The following ACOT11 variants were observed in gnomAD, a reference collection of about 807,000 sequenced individuals.
ACOT11 encodes the protein acyl-coenzyme A thioesterase 11.
Under a neutral mutation model 77.5 loss-of-function variants are expected in ACOT11, and 69 were observed. The observed-to-expected ratio is 0.89, with a 90% CI of 0.73 to 1.09. The LOEUF (loss-of-function observed/expected upper bound fraction) is 1.09. Among genes scored for constraint, ACOT11 ranks in the 50% least tolerant of loss-of-function variants. The pLI is 0.00. For synonymous variants in ACOT11, 279 were observed against 313.0 expected, an observed-to-expected ratio of 0.89 and a Z score of 1.15; for missense variants, 766 against 813.7, an observed-to-expected ratio of 0.94 and a Z score of 0.71.
chr1:54,550,776 T>C (rs115701470), intron 1 of ACOT11, among the ~76,000 whole-genome samples: 2,270 of 151,582 alleles, frequency 0.015, 24 homozygotes, highest in Non-Finnish European at 0.025. Context: ...TGAGCCAAGA[T>C]CATGCTACTG....
chr1:54,549,100 T>TC (rs1262596186), intron 1 of ACOT11, among the ~76,000 whole-genome samples: 11 of 151,998 alleles, frequency 7.2e-5, no homozygotes, highest in African/African-American at 2.7e-4. Flanking sequence ...ATCTATCCTC[T>TC]CCCTCCATCT....
At chr1:54,563,512 C>G (rs1038671966) in intron 1 of ACOT11, among the ~76,000 whole-genome samples, 2 of 152,190 alleles carry the variant, frequency 1.3e-5, no homozygotes, top group Admixed American at 6.5e-5. Context: ...TATAGAAAAG[C>G]CTGAAACTTA....
intron 1 of ACOT11, among the ~76,000 whole-genome samples, chr1:54,580,631 C>T (rs557988489): frequency 6.6e-6 from 1 of 152,280 alleles, no homozygotes; most frequent in South Asian, 2.1e-4. Flanking sequence ...GCTCTCAGAC[C>T]ATTAGTCTTT....
rs757017367 is a variant in ACOT11 at position 54,593,946 on chromosome 1, C to T, written c.378C>T (p.Gly126=). Residue 126 remains glycine (G), a synonymous_variant, in exon 5 of 16, where the codon GGC becomes GGT. Coordinates refer to ENST00000343744, the MANE Select transcript of ACOT11 (RefSeq NM_147161.4). ...NRAFNSSMEV[G]IQVASEDLCS... ...CCCTTACTGTTCCTCTCCAGGTGGGCATCCAGGTGGCCTCGGAGGACCTGT... is the reference window on the plus strand; with the variant it reads ...CCCTTACTGTTCCTCTCCAGGTGGGTATCCAGGTGGCCTCGGAGGACCTGT... 2.4e-5 allele frequency: 38 copies of T among 1,613,804 alleles called. No individual in the cohort carries two copies. The highest frequency in any genetic ancestry group is 3.1e-5 in the Non-Finnish European group (36 of 1,179,868).
chr1:54,582,515 TGGCATA>T, intron 1 of ACOT11: 1 of 985,326 alleles, frequency 1.0e-6, no homozygotes, highest in Non-Finnish European at 1.2e-6. Flanking sequence ...CTGGCTCCCG[TGGCATA>T]GGGTCCAACA....
intron 1 of ACOT11, among the ~76,000 whole-genome samples, chr1:54,554,977 GA>G (rs1653210726): frequency 6.6e-6 from 1 of 151,664 alleles, no homozygotes; most frequent in African/African-American, 2.4e-5. Flanking sequence ...TGTTTGTTTT[GA>G]GACGGAGTCT....
At chr1:54,623,477 G>GCCTCCCA in intron 15 of ACOT11, 1 of 1,018,900 alleles carries the variant, frequency 9.8e-7, no homozygotes, top group Non-Finnish European at 1.5e-6. Context: ...CCTGTGGGAG[G>GCCTCCCA]CAGGAGCTCC....
At position 54,623,432 on chromosome 1, in the gene ACOT11, G is replaced by A. The variant is rs201664316; in HGVS notation, c.1630-7302G>A. On this transcript the variant is annotated intron_variant, in intron 15 of 16. Coordinates refer to the ACOT11 transcript ENST00000371316. ...CTGGGGAATGCCCCCAACTCCGTGC[G>A]GCCCAGAGTCCCTGAGGCTCCCTGC... The A allele has an allele frequency of 1.9e-3, 2,816 of 1,518,452 alleles. 10 individuals are homozygous for A. The highest frequency in any genetic ancestry group is 3.5e-3 in the South Asian group (306 of 88,018). The allele number at this position is 1,518,452 out of a possible 1,614,324, so 94.1% of individuals were successfully genotyped here.
rs375575174 is a variant in ACOT11 at position 54,559,010 on chromosome 1, C to G, written c.33+10668C>G. On this transcript the variant is annotated intron_variant, in intron 1 of 15. Transcript: ENST00000343744. ...GTCTCAGCTGCCTCCCCATTCACCCCCTGACTCCTCACAACAGGGAGGTGG... is the reference window on the plus strand; with the variant it reads ...GTCTCAGCTGCCTCCCCATTCACCCGCTGACTCCTCACAACAGGGAGGTGG... Among the ~76,000 whole-genome samples the G allele has an allele frequency of 2.0e-5, 3 of 152,182 alleles. No homozygotes were observed. The South Asian group carries it at 6.2e-4, about 32-fold the overall frequency.
chr1:54,624,148 G>T (rs1250161455), intron 15 of ACOT11, among the ~76,000 whole-genome samples: 1 of 152,132 alleles, frequency 6.6e-6, no homozygotes, highest in Non-Finnish European at 1.5e-5. Context: ...GTTAGAGGCT[G>T]CCCCTATTCT....
At chr1:54,634,352 TC>T (rs1388245172) in intron 16 of ACOT11, among the ~76,000 whole-genome samples, 6 of 152,232 alleles carry the variant, frequency 3.9e-5, no homozygotes, top group African/African-American at 1.2e-4. Context: ...TTATTCTGGC[TC>T]AAAAAGTAAA....
At chr1:54,577,034 C>T (rs1161896568) in intron 1 of ACOT11, among the ~76,000 whole-genome samples, 1 of 152,086 alleles carries the variant, frequency 6.6e-6, no homozygotes. Flanking sequence ...CATATCTTCC[C>T]CTTAAAATAT....
chr1:54,598,520 T>A (rs1257999525), intron 7 of ACOT11: 1 of 152,248 alleles, frequency 6.6e-6, no homozygotes, highest in Non-Finnish European at 1.5e-5. Context: ...AATGTGTAGT[T>A]CCAGGCTGCG....
At chr1:54,628,678 C>T (rs1441999200) in intron 15 of ACOT11, among the ~76,000 whole-genome samples, 1 of 127,594 alleles carries the variant, frequency 7.8e-6, no homozygotes, top group Non-Finnish European at 1.7e-5. Context: ...GTGGTCTCAG[C>T]ACTCTAAATG....
chr1:54,605,137 A>G lies in ACOT11; in HGVS notation c.1298A>G (p.His433Arg), dbSNP rs764314860. Residue 433 changes from histidine to arginine, a missense_variant, in exon 13 of 16, where the codon CAT becomes CGT. His to Arg is a conservative substitution (Grantham distance 29, BLOSUM62 0). Transcript: ENST00000343744. ...TCCTTCCACATGGAGATGGTGGTGC[A>G]TGTGGATGCAGCCCAGGCCTTCCTG... ...FLSFHMEMVV[H>R]VDAAQAFLLL... 12 of 1,613,880 alleles carry G rather than the reference A, an allele frequency of 7.4e-6. No individual in the cohort carries two copies. Among genetic ancestry groups the G allele is most frequent in the East Asian group, 4.5e-5 (2 of 44,898 alleles).
intron 1 of ACOT11, among the ~76,000 whole-genome samples, chr1:54,574,607 GGGT>G (rs1654038867): frequency 6.6e-6 from 1 of 152,142 alleles, no homozygotes; most frequent in African/African-American, 2.4e-5. Context: ...GGTCTGTGGG[GGGT>G]GCTCACTTGT....
At chr1:54,572,327 G>A (rs1653953993) in intron 1 of ACOT11, among the ~76,000 whole-genome samples, 1 of 152,096 alleles carries the variant, frequency 6.6e-6, no homozygotes. Context: ...AAACAGAGTT[G>A]CTTGCAGGAT....
At chr1:54,589,577 C>T (rs569778157) in intron 3 of ACOT11, among the ~76,000 whole-genome samples, 2 of 152,074 alleles carry the variant, frequency 1.3e-5, no homozygotes, top group African/African-American at 2.4e-5. Flanking sequence ...CTCAAGCGAT[C>T]CTTCCACCTT....
intron 15 of ACOT11, among the ~76,000 whole-genome samples, chr1:54,620,725 T>C (rs1437199823): frequency 6.6e-6 from 1 of 150,988 alleles, no homozygotes; most frequent in African/African-American, 2.4e-5. Context: ...GGCAGGAGCC[T>C]GTAATCCCAG....
Sources: gnomAD v4.1 joint callset for allele counts (sites outside exome capture counted in the v4.1 genomes callset) on GRCh38, gnomAD v4.1.1 for gene constraint, MANE v1.5 for transcripts, NCBI Gene and HGNC (gene_info 2026-07-23, HGNC 2026-07-21) for gene names.